NCOA7: variants seen among roughly 807,000 people sequenced by gnomAD.
NCOA7 encodes nuclear receptor coactivator 7, also known as 140 kDa estrogen receptor-associated protein.
In NCOA7, 45 loss-of-function variants were observed where a neutral mutation model predicts 104.3. That is an observed-to-expected ratio of 0.43 (90% confidence interval 0.34 to 0.55). The LOEUF (loss-of-function observed/expected upper bound fraction) is 0.55. Ranked by LOEUF, NCOA7 falls within the 20% of genes least tolerant of loss-of-function variation. The pLI is 0.02. For synonymous variants in NCOA7, 398 were observed against 402.3 expected, an observed-to-expected ratio of 0.99 and a Z score of 0.13; for missense variants, 1,041 against 1,119.7, an observed-to-expected ratio of 0.93 and a Z score of 1.00.
chr6:125,818,363 T>C (rs909328919), intron 2 of NCOA7, among the ~76,000 whole-genome samples: 3 of 152,126 alleles, frequency 2.0e-5, no homozygotes, highest in African/African-American at 7.2e-5. Flanking sequence ...AAATGTAAAA[T>C]TGTCTTGCTT....
intron 2 of NCOA7, among the ~76,000 whole-genome samples, chr6:125,853,972 T>C (rs1781344976): frequency 1.3e-5 from 2 of 152,206 alleles, no homozygotes; most frequent in South Asian, 4.1e-4. Flanking sequence ...TCAGTCCCTG[T>C]GTATCCTACA....
chr6:125,842,147 G>A (rs1780231245), intron 2 of NCOA7, among the ~76,000 whole-genome samples: 1 of 152,266 alleles, frequency 6.6e-6, no homozygotes, highest in East Asian at 1.9e-4. Flanking sequence ...CATAAACTAT[G>A]TTTCCCTTAC....
chr6:125,908,255 A>T (rs1444632824), intron 10 of NCOA7, among the ~76,000 whole-genome samples: 1 of 152,040 alleles, frequency 6.6e-6, no homozygotes, highest in Non-Finnish European at 1.5e-5. Flanking sequence ...ACCCCAGTAC[A>T]CTCCATCTCA....
At chr6:125,897,136 T>C (rs1332457625) in intron 10 of NCOA7, among the ~76,000 whole-genome samples, 5 of 152,252 alleles carry the variant, frequency 3.3e-5, no homozygotes, top group Non-Finnish European at 5.9e-5. Context: ...TCTGTCAGTT[T>C]AAAAGGTATA....
intron 10 of NCOA7, among the ~76,000 whole-genome samples, chr6:125,897,219 C>T (rs1266777292): frequency 6.6e-6 from 1 of 152,220 alleles, no homozygotes; most frequent in South Asian, 2.1e-4. Context: ...TATAGTTCAT[C>T]ACCCAGAGTT....
At chr6:125,911,301 A>G (rs891038714) in intron 10 of NCOA7, among the ~76,000 whole-genome samples, 1 of 152,222 alleles carries the variant, frequency 6.6e-6, no homozygotes, top group African/African-American at 2.4e-5. Context: ...ATTCCAAAGG[A>G]CATTATGCAA....
At chr6:125,928,128 C>A in intron 14 of NCOA7, 46 bp from the exon 15 acceptor site, 6 of 1,500,748 alleles carry the variant, frequency 4.0e-6, no homozygotes, top group Non-Finnish European at 5.5e-6. Context: ...ATTGCTAATT[C>A]TCCAGATTAA....
At chr6:125,912,773 T>C (rs750236700) in intron 10 of NCOA7, among the ~76,000 whole-genome samples, 1 of 152,096 alleles carries the variant, frequency 6.6e-6, no homozygotes, top group Non-Finnish European at 1.5e-5. Flanking sequence ...TGCCTCAGTT[T>C]CCCTCCCAAC....
At chr6:125,895,791 G>A (rs1439379940) in intron 10 of NCOA7, among the ~76,000 whole-genome samples, 2 of 151,852 alleles carry the variant, frequency 1.3e-5, no homozygotes, top group Non-Finnish European at 2.9e-5. Flanking sequence ...CCCAGATCTC[G>A]GGAGAACCCA....
Position 125,927,756 on chromosome 6 carries a change from A to G in NCOA7, c.2617A>G (p.Lys873Glu). The G allele has an allele frequency of 6.2e-7, 1 of 1,609,722 alleles. No homozygotes were observed. Among genetic ancestry groups the G allele is most frequent in the South Asian group, 1.1e-5 (1 of 91,004 alleles). The change falls in exon 14 of 16, where the codon AAG (lysine) becomes GAG (glutamate). Residue 873 changes from lysine to glutamate, a missense_variant and splice_region_variant. By Grantham distance (56) the Lys-to-Glu change is moderately conservative. Coordinates refer to ENST00000392477, the MANE Select transcript of NCOA7 (RefSeq NM_181782.5). ...TFLYTFSPHF[K>E]VFKWSGENSY... The stretch of plus-strand genomic sequence containing the variant: ...TCTCTACACATTCAGCCCTCATTTT[A>G]AGGTACCTAGATAGGAGAAATATCC...
Position 125,882,463 on chromosome 6 carries a change from A to G in NCOA7, c.611A>G (p.Glu204Gly). 6.2e-7 allele frequency: 1 copy of G among 1,613,788 alleles called. No individual in the cohort carries two copies. Among genetic ancestry groups the G allele is most frequent in the Non-Finnish European group, 8.5e-7 (1 of 1,179,858 alleles). Reference sequence around the variant, plus strand: ...GCACGAAAGGCCTTGAAACCCATTGAAAGAGTCTTATCGTCTACTTCTGAA... The same window carrying G: ...GCACGAAAGGCCTTGAAACCCATTGGAAGAGTCTTATCGTCTACTTCTGAA... ...DLARKALKPI[E>G]RVLSSTSEED... The change falls in exon 7 of 16, where the codon GAA (glutamate) becomes GGA (glycine). Residue 204 changes from glutamate (E) to glycine (G), a missense_variant. Around this residue, in one of 2 missense-constraint regions of NCOA7, gnomAD observed 914 missense variants for 942.7 expected, o/e 0.97. Coordinates refer to ENST00000392477, the MANE Select transcript of NCOA7 (RefSeq NM_181782.5).
intron 2 of NCOA7, among the ~76,000 whole-genome samples, chr6:125,851,093 T>G (rs2128615604): frequency 6.6e-6 from 1 of 152,334 alleles, no homozygotes; most frequent in African/African-American, 2.4e-5. Flanking sequence ...TGGTGATTTT[T>G]GGTTATTTTT....
At chr6:125,851,406 A>G (rs939445481) in intron 2 of NCOA7, among the ~76,000 whole-genome samples, 3 of 152,158 alleles carry the variant, frequency 2.0e-5, no homozygotes, top group Non-Finnish European at 4.4e-5. Context: ...ATTTCCATCC[A>G]AGTTGCTGCA....
At chr6:125,885,620 G>A (rs757966966) in intron 8 of NCOA7, among the ~76,000 whole-genome samples, 28 of 152,192 alleles carry the variant, frequency 1.8e-4, no homozygotes, top group Non-Finnish European at 3.5e-4. Flanking sequence ...AGCAGTGCAC[G>A]TTCTTAATGA....
At chr6:125,800,170 T>A (rs1775757432) in intron 1 of NCOA7, among the ~76,000 whole-genome samples, 1 of 152,248 alleles carries the variant, frequency 6.6e-6, no homozygotes, top group Non-Finnish European at 1.5e-5. Context: ...TAGACAATTT[T>A]GTGAATCTGT....
chr6:125,863,801 C>T (rs1782234402), intron 3 of NCOA7, among the ~76,000 whole-genome samples: 1 of 137,386 alleles, frequency 7.3e-6, no homozygotes, highest in Non-Finnish European at 1.5e-5. Flanking sequence ...ACTCTGAGCT[C>T]ACATGGTAGA....
chr6:125,913,815 GA>G (rs1379495676), intron 10 of NCOA7: 19 of 208,316 alleles, frequency 9.1e-5, no homozygotes, highest in African/African-American at 4.2e-4. Context: ...TTGAAAAAAA[GA>G]AAAACACTGA....
At chr6:125,888,914 G>C (rs745405626) in intron 8 of NCOA7, 25 bp from the exon 9 acceptor site, 1 of 1,537,306 alleles carries the variant, frequency 6.5e-7, no homozygotes, top group Non-Finnish European at 8.8e-7. Flanking sequence ...CATTCCATGT[G>C]CACCCACCAT....
chr6:125,854,236 C>T (rs1018778250), intron 2 of NCOA7, among the ~76,000 whole-genome samples: 10 of 152,132 alleles, frequency 6.6e-5, no homozygotes, highest in African/African-American at 1.7e-4. Flanking sequence ...AAAACATTCT[C>T]GACTATCAAG....
Sources: allele counts gnomAD v4.1 joint callset (sites outside exome capture counted in the v4.1 genomes callset), GRCh38; gene constraint gnomAD v4.1.1; regional missense constraint gnomAD v4.1.1; transcripts MANE v1.5; gene names NCBI Gene and HGNC (gene_info 2026-07-23, HGNC 2026-07-21).